The following EPHA6 variants were observed in gnomAD, a reference collection of about 807,000 sequenced individuals.
EPHA6 encodes EPH receptor A6, also known as ephrin type-A receptor 6.
A neutral mutation model predicts 112.0 loss-of-function variants in EPHA6; 50 were observed. The observed-to-expected ratio is 0.45, with a 90% CI of 0.36 to 0.56. The LOEUF is 0.56. EPHA6 is among the 20% of genes least tolerant of loss of function. EPHA6 has a pLI of 0.00. For missense variants in EPHA6, 1,280 were observed against 1,417.4 expected (o/e 0.90, Z 1.56); for synonymous variants, 529 against 490.7 (o/e 1.08, Z -1.03).
intron 5 of EPHA6, among the ~76,000 whole-genome samples, chr3:97,354,833 G>C (rs573189623): frequency 3.9e-5 from 6 of 152,186 alleles, no homozygotes; most frequent in African/African-American, 1.2e-4. Context: ...CAAAGGTTGA[G>C]GATAAAGAAC....
intron 14 of EPHA6, among the ~76,000 whole-genome samples, chr3:97,673,607 C>T (rs2031069008): frequency 6.6e-6 from 1 of 152,186 alleles, no homozygotes; most frequent in Non-Finnish European, 1.5e-5. Flanking sequence ...AGCAGATTTA[C>T]TGTAATTTGA....
intron 5 of EPHA6, among the ~76,000 whole-genome samples, chr3:97,358,053 A>G (rs1283423994): frequency 6.6e-6 from 1 of 152,166 alleles, no homozygotes; most frequent in Non-Finnish European, 1.5e-5. Flanking sequence ...AACAATCTGC[A>G]TAGGAGTGAA....
chr3:96,911,765 C>G (rs1344214306), intron 2 of EPHA6, among the ~76,000 whole-genome samples: 2 of 151,978 alleles, frequency 1.3e-5, no homozygotes, highest in African/African-American at 4.8e-5. Flanking sequence ...ATGATTGGCT[C>G]TCTGTATAAC....
At chr3:97,104,775 G>T (rs1441551130) in intron 3 of EPHA6, among the ~76,000 whole-genome samples, 2 of 151,948 alleles carry the variant, frequency 1.3e-5, no homozygotes, top group African/African-American at 4.8e-5. Flanking sequence ...TTGGTCTTGG[G>T]CTTTTTTTGG....
intron 11 of EPHA6, among the ~76,000 whole-genome samples, chr3:97,562,995 A>C (rs1560141030): frequency 6.6e-6 from 1 of 152,178 alleles, no homozygotes; most frequent in African/African-American, 2.4e-5. Context: ...ATGCTGTTGC[A>C]CACTTAATAA....
intron 1 of EPHA6, among the ~76,000 whole-genome samples, chr3:96,822,699 A>T (rs2033356944): frequency 6.7e-6 from 1 of 150,212 alleles, no homozygotes; most frequent in African/African-American, 2.4e-5. Flanking sequence ...ATTTAAAAGT[A>T]TATTTTAAAT....
At chr3:97,622,944 C>A (rs1385332049) in intron 13 of EPHA6, among the ~76,000 whole-genome samples, 2 of 137,968 alleles carry the variant, frequency 1.4e-5, no homozygotes. Flanking sequence ...ATTTTTGAAT[C>A]AGGTTGCTTG....
intron 14 of EPHA6, among the ~76,000 whole-genome samples, chr3:97,654,678 C>T (rs999450732): frequency 2.0e-5 from 3 of 151,648 alleles, no homozygotes; most frequent in Admixed American, 6.6e-5. Context: ...AAATATAGCT[C>T]CTAAGATGAG....
intron 2 of EPHA6, among the ~76,000 whole-genome samples, chr3:96,923,628 C>T (rs2107635990): frequency 6.6e-6 from 1 of 152,182 alleles, no homozygotes; most frequent in Non-Finnish European, 1.5e-5. Flanking sequence ...TGCAGAAGCT[C>T]TTAAGTTTAA....
chr3:97,675,217 T>C (rs991683759), intron 14 of EPHA6, among the ~76,000 whole-genome samples: 2 of 152,178 alleles, frequency 1.3e-5, no homozygotes, highest in African/African-American at 4.8e-5. Context: ...CGGTAGCTCA[T>C]GCCTGTAATT....
chr3:97,483,519 T>C (rs887414868), intron 9 of EPHA6, among the ~76,000 whole-genome samples: 2 of 152,200 alleles, frequency 1.3e-5, no homozygotes, highest in African/African-American at 2.4e-5. Context: ...TCATGAAACC[T>C]AGTGCCGTAG....
At chr3:96,992,142 T>A (rs1013237042) in intron 3 of EPHA6, among the ~76,000 whole-genome samples, 2 of 152,146 alleles carry the variant, frequency 1.3e-5, no homozygotes, top group African/African-American at 4.8e-5. Flanking sequence ...TTTAATTTGA[T>A]CAACAACGTT....
At chr3:96,943,653 G>A (rs572612485) in intron 2 of EPHA6, among the ~76,000 whole-genome samples, 66 of 152,278 alleles carry the variant, frequency 4.3e-4, no homozygotes, top group Non-Finnish European at 7.5e-4. Context: ...CAAACATAAA[G>A]TAAATAATAA....
intron 13 of EPHA6, among the ~76,000 whole-genome samples, chr3:97,617,202 A>C (rs1487199625): frequency 6.6e-6 from 1 of 152,168 alleles, no homozygotes; most frequent in South Asian, 2.1e-4. Context: ...AAGGGAAATA[A>C]GGTCCTTTTC....
intron 3 of EPHA6, among the ~76,000 whole-genome samples, chr3:97,053,330 C>T (rs927187852): frequency 1.3e-5 from 2 of 152,060 alleles, no homozygotes; most frequent in South Asian, 2.1e-4. Flanking sequence ...AAGTTCAATT[C>T]GAGCAGAGCT....
At chr3:97,205,689 A>G (rs2077697228) in intron 3 of EPHA6, among the ~76,000 whole-genome samples, 1 of 152,084 alleles carries the variant, frequency 6.6e-6, no homozygotes, top group Non-Finnish European at 1.5e-5. Context: ...GGAGGACTAT[A>G]CATGACTGGA....
chr3:97,510,068 A>C (rs188033102), intron 10 of EPHA6, among the ~76,000 whole-genome samples: 230 of 152,268 alleles, frequency 1.5e-3, no homozygotes, highest in African/African-American at 5.3e-3. Flanking sequence ...TAAACTGATT[A>C]TTCTAGTTAG....
chr3:96,815,321 T>A (rs1257282891), intron 1 of EPHA6, among the ~76,000 whole-genome samples: 1 of 152,094 alleles, frequency 6.6e-6, no homozygotes, highest in African/African-American at 2.4e-5. Context: ...GAAGTCAGGC[T>A]CCGTGGCACA....
chr3:97,200,331 C>T (rs571441335), intron 3 of EPHA6, among the ~76,000 whole-genome samples: 2 of 152,154 alleles, frequency 1.3e-5, no homozygotes, highest in South Asian at 2.1e-4. Flanking sequence ...CAAGTCTGAA[C>T]GCAAAATCCA....
Sources: allele counts gnomAD v4.1 joint callset (sites outside exome capture counted in the v4.1 genomes callset), GRCh38; gene constraint gnomAD v4.1.1; transcripts MANE v1.5; gene names NCBI Gene and HGNC (gene_info 2026-07-23, HGNC 2026-07-21).